The following POPDC3 variants were observed in gnomAD, a reference collection of about 807,000 sequenced individuals.
POPDC3 encodes the protein popeye domain-containing protein 3.
Under a neutral mutation model 28.2 loss-of-function variants are expected in POPDC3, and 20 were observed. The observed-to-expected ratio is 0.71, with a 90% CI of 0.50 to 1.03. The LOEUF is 1.03. POPDC3 is among the 50% of genes least tolerant of loss of function. POPDC3 has a pLI of 0.00. For synonymous variants in POPDC3, 118 were observed against 124.1 expected (o/e 0.95, Z 0.33); for missense variants, 316 against 345.9 (o/e 0.91, Z 0.69).
intron 1 of POPDC3, among the ~76,000 whole-genome samples, chr6:105,175,180 T>C (rs1330856221): frequency 6.6e-6 from 1 of 151,636 alleles, no homozygotes; most frequent in African/African-American, 2.4e-5. Flanking sequence ...AAAAAAAAAT[T>C]GTATCTGAAA....
rs1774344245 is a variant in POPDC3, at chr6:105,161,929, T to A, written c.-20A>T. The A allele has an allele frequency of 6.4e-7, 1 of 1,565,022 alleles. No homozygotes were observed. Among genetic ancestry groups the A allele is most frequent in the African/African-American group, 1.4e-5 (1 of 73,066 alleles). On this transcript the variant is annotated 5_prime_UTR_variant, in exon 2 of 4. Transcript: ENST00000254765. Reference sequence around the variant, plus strand: ...TTCCATGGCTGTATTACTGCCTGCTTCACTTTTCAGTTGACTTTAGATGAC... The same window carrying A: ...TTCCATGGCTGTATTACTGCCTGCTACACTTTTCAGTTGACTTTAGATGAC...
chr6:105,169,205 T>C (rs1774523335), intron 1 of POPDC3: 1 of 152,256 alleles, frequency 6.6e-6, no homozygotes, highest in Admixed American at 6.5e-5. Flanking sequence ...TATTTTATAA[T>C]AGAATTAGAA....
At chr6:105,162,964 C>T (rs552354426) in intron 1 of POPDC3, among the ~76,000 whole-genome samples, 3 of 152,286 alleles carry the variant, frequency 2.0e-5, no homozygotes, top group South Asian at 2.1e-4. Flanking sequence ...CCAGGCCACA[C>T]AGTGGTCACT....
intron 1 of POPDC3, among the ~76,000 whole-genome samples, chr6:105,164,368 G>A (rs1774415037): frequency 6.6e-6 from 1 of 152,174 alleles, no homozygotes; most frequent in Admixed American, 6.5e-5. Context: ...GACCCATTAT[G>A]ATTATAAGGG....
Position 105,172,545 on chromosome 6 carries a change from C to G in POPDC3, c.-252+7288G>C, listed in dbSNP as rs1264325252. On this transcript the variant is annotated intron_variant, in intron 1 of 3. Transcript: ENST00000254765. Reference sequence around the variant, plus strand: ...GCCATCCCATTACTGGGTATATACCCAAAGGATTATAAATCATGCTGCTAT... The same window carrying G: ...GCCATCCCATTACTGGGTATATACCGAAAGGATTATAAATCATGCTGCTAT... Among the ~76,000 whole-genome samples the G allele has an allele frequency of 2.7e-5, 4 of 150,480 alleles. 1 individual carries two copies. Among genetic ancestry groups the G allele is most frequent in the Non-Finnish European group, 5.9e-5 (4 of 67,606 alleles).
In POPDC3 at chr6:105,159,578, G is replaced by T. The variant is rs886964453; in HGVS notation, c.594+133C>A. Reference sequence around the variant, plus strand: ...AGTCCAGCAGAATTGGGAAAGTCATGTATGCTGCAAAGTACATTCCAAAGT... The same window carrying T: ...AGTCCAGCAGAATTGGGAAAGTCATTTATGCTGCAAAGTACATTCCAAAGT... On this transcript the variant is annotated intron_variant, in intron 3 of 3. Transcript: ENST00000254765. 18 of 577,160 alleles carry T rather than the reference G, an allele frequency of 3.1e-5. No individual in the cohort carries two copies. The African/African-American group carries it at 3.4e-4, about 11-fold the overall frequency. The allele number at this position is 577,160 out of a possible 1,614,324, so 35.8% of individuals were successfully genotyped here. A position where few individuals can be genotyped will look rare whatever the true frequency, so the allele number is the denominator to read the frequency against.
intron 1 of POPDC3, among the ~76,000 whole-genome samples, chr6:105,166,227 G>A (rs1337579909): frequency 6.6e-6 from 1 of 152,186 alleles, no homozygotes; most frequent in Non-Finnish European, 1.5e-5. Flanking sequence ...GTATGATGTG[G>A]AGTAGAAGAT....
chr6:105,170,644 T>G (rs1344277482), intron 1 of POPDC3, among the ~76,000 whole-genome samples: 4 of 152,156 alleles, frequency 2.6e-5, no homozygotes, highest in Non-Finnish European at 5.9e-5. Context: ...CTACGCCACT[T>G]TAATCAACTA....
intron 1 of POPDC3, among the ~76,000 whole-genome samples, chr6:105,165,170 C>G (rs1468712053): frequency 6.6e-6 from 1 of 152,208 alleles, no homozygotes; most frequent in Non-Finnish European, 1.5e-5. Context: ...ACATTCAGTG[C>G]CAGCTCTCAA....
At chr6:105,174,418 C>T (rs1010458367) in intron 1 of POPDC3, among the ~76,000 whole-genome samples, 1 of 152,120 alleles carries the variant, frequency 6.6e-6, no homozygotes, top group Non-Finnish European at 1.5e-5. Context: ...CTATATAATC[C>T]GGAGGTAAGG....
intron 1 of POPDC3, among the ~76,000 whole-genome samples, chr6:105,168,284 T>C (rs1330410198): frequency 4.6e-4 from 70 of 152,292 alleles, no homozygotes; most frequent in Middle Eastern, 6.8e-3. Flanking sequence ...ATTTTCTCAT[T>C]TCATCTTCTG....
chr6:105,166,367 G>A (rs1774455409), intron 1 of POPDC3, among the ~76,000 whole-genome samples: 1 of 151,210 alleles, frequency 6.6e-6, no homozygotes, highest in Admixed American at 6.6e-5. Context: ...TTTGTCGCCG[G>A]GGCACTGAAT....
chr6:105,172,778 T>A (rs1351853901), intron 1 of POPDC3, among the ~76,000 whole-genome samples: 1 of 142,526 alleles, frequency 7.0e-6, no homozygotes, highest in Non-Finnish European at 1.6e-5. Flanking sequence ...CAGCAAACTA[T>A]TGCAAGGACA....
chr6:105,159,598 C>A lies in POPDC3; in HGVS notation c.594+113G>T, dbSNP rs551524571. On this transcript the variant is annotated intron_variant, in intron 3 of 3. Coordinates refer to ENST00000254765, the MANE Select transcript of POPDC3 (RefSeq NM_022361.5). ...GTCATGTATGCTGCAAAGTACATTCCAAAGTCTTAAAATATTCTTGTCTTA... is the reference window on the plus strand; with the variant it reads ...GTCATGTATGCTGCAAAGTACATTCAAAAGTCTTAAAATATTCTTGTCTTA... The A allele has an allele frequency of 7.8e-4, 501 of 644,366 alleles. 1 individual carries two copies. The highest frequency in any genetic ancestry group is 5.7e-4 in the Admixed American group (21 of 36,876). 39.9% of individuals were successfully genotyped at this position (644,366 alleles called of 1,614,324 possible).
chr6:105,159,676 AG>A, intron 3 of POPDC3, 34 bp downstream of exon 3: 2 of 1,101,310 alleles, frequency 1.8e-6, no homozygotes, highest in Non-Finnish European at 1.4e-6. Context: ...TGTTTGAAAG[AG>A]GGAGTGCTAA....
chr6:105,174,399 G>C (rs1774642772), intron 1 of POPDC3, among the ~76,000 whole-genome samples: 1 of 152,160 alleles, frequency 6.6e-6, no homozygotes, highest in Non-Finnish European at 1.5e-5. Flanking sequence ...GCAGTGAATG[G>C]AGCGAAGGCT....
intron 1 of POPDC3, among the ~76,000 whole-genome samples, chr6:105,174,128 G>A (rs1487294232): frequency 1.3e-5 from 2 of 152,172 alleles, no homozygotes; most frequent in South Asian, 2.1e-4. Flanking sequence ...TGCAACCTCC[G>A]CCTCCCGGGT....
At position 105,162,171 on chromosome 6, in the gene POPDC3, GAA is replaced by G; in HGVS notation, c.-251-13_-251-12del. ...ATATTTTGGTATTTCCTATGCAAGA[GAA>G]AAAAAGATAAAGGATCTAATTAAAC... On this transcript the variant is annotated splice_polypyrimidine_tract_variant and intron_variant, in intron 1 of 3. Coordinates refer to ENST00000254765, the MANE Select transcript of POPDC3 (RefSeq NM_022361.5). 2 of 1,211,086 alleles carry G rather than the reference GAA, an allele frequency of 1.7e-6. No homozygotes were observed. The highest frequency in any genetic ancestry group is 2.1e-6 in the Non-Finnish European group (2 of 975,362). 75.0% of individuals were successfully genotyped at this position (1,211,086 alleles called of 1,614,324 possible).
intron 3 of POPDC3, among the ~76,000 whole-genome samples, 180 bp downstream of exon 3, chr6:105,159,531 T>A (rs1022935754): frequency 1.3e-5 from 2 of 152,226 alleles, no homozygotes; most frequent in Non-Finnish European, 2.9e-5. Flanking sequence ...GCTGGACCTA[T>A]AAAGTGGCAT....
Sources: gnomAD v4.1 joint callset for allele counts (sites outside exome capture counted in the v4.1 genomes callset) on GRCh38, gnomAD v4.1.1 for gene constraint, MANE v1.5 for transcripts, NCBI Gene and HGNC (gene_info 2026-07-23, HGNC 2026-07-21) for gene names.